Variants in HMGCLL1 observed in about 807,000 individuals in gnomAD.
HMGCLL1 encodes the protein 3-hydroxymethyl-3-methylglutaryl-CoA lyase, cytoplasmic.
In HMGCLL1, 36 loss-of-function variants were observed where a neutral mutation model predicts 39.1. The observed-to-expected ratio is 0.92, with a 90% CI of 0.71 to 1.22. HMGCLL1 has a LOEUF of 1.22. HMGCLL1 is among the 50% of genes most tolerant of loss of function. The pLI is 0.00. For synonymous variants in HMGCLL1, 149 were observed against 144.0 expected (o/e 1.03, Z -0.25); for missense variants, 451 against 416.5 (o/e 1.08, Z -0.72).
the HMGCLL1 span, among the ~76,000 whole-genome samples, chr6:55,604,480 A>G: frequency 6.6e-6 from 1 of 152,120 alleles, no homozygotes; most frequent in Non-Finnish European, 1.5e-5. Flanking sequence ...TAACTTTAAA[A>G]ATACATTTTA....
chr6:55,561,902 T>C (rs1375498341), intron 1 of HMGCLL1, among the ~76,000 whole-genome samples: 1 of 152,170 alleles, frequency 6.6e-6, no homozygotes, highest in Admixed American at 6.6e-5. Flanking sequence ...CTTCTCAGCA[T>C]ACGATAAACT....
the HMGCLL1 span, among the ~76,000 whole-genome samples, chr6:55,596,593 A>G: frequency 1.2e-4 from 18 of 152,358 alleles, no homozygotes; most frequent in African/African-American, 3.8e-4. Context: ...GACTCAGTTG[A>G]GCTACGCCTA....
intron 1 of HMGCLL1, among the ~76,000 whole-genome samples, chr6:55,577,335 G>C (rs1771809803): frequency 7.9e-6 from 1 of 125,956 alleles, no homozygotes; most frequent in Non-Finnish European, 1.8e-5. Context: ...AGGGAGCAAA[G>C]GGCTGGACTA....
At chr6:55,476,742 T>C (rs527273680) in intron 7 of HMGCLL1, among the ~76,000 whole-genome samples, 1 of 151,774 alleles carries the variant, frequency 6.6e-6, no homozygotes, top group Non-Finnish European at 1.5e-5. Flanking sequence ...AGTCTTTTAA[T>C]ATGTCACTAA....
the HMGCLL1 span, among the ~76,000 whole-genome samples, chr6:55,659,944 T>C: frequency 6.6e-6 from 1 of 151,820 alleles, no homozygotes; most frequent in Non-Finnish European, 1.5e-5. Flanking sequence ...TACAGAAGTT[T>C]GGGATTCATT....
At chr6:55,543,147 A>C (rs1327955607) in intron 1 of HMGCLL1, among the ~76,000 whole-genome samples, 68 of 5,744 alleles carry the variant, frequency 0.012, no homozygotes, top group Middle Eastern at 0.083. Context: ...TATATTATAT[A>C]TTATATATAT....
the HMGCLL1 span, among the ~76,000 whole-genome samples, chr6:55,590,803 T>C: frequency 6.6e-6 from 1 of 151,984 alleles, no homozygotes; most frequent in African/African-American, 2.4e-5. Flanking sequence ...GAAATTCAGC[T>C]TTAGATGTCT....
intron 1 of HMGCLL1, among the ~76,000 whole-genome samples, chr6:55,551,948 T>C (rs776897166): frequency 1.4e-4 from 21 of 152,034 alleles, no homozygotes; most frequent in Non-Finnish European, 2.8e-4. Context: ...CTATTGTCTG[T>C]CATAATATAT....
chr6:55,616,276 C>A, the HMGCLL1 span, among the ~76,000 whole-genome samples: 1 of 152,074 alleles, frequency 6.6e-6, no homozygotes, highest in Non-Finnish European at 1.5e-5. Flanking sequence ...CCTACTGGGA[C>A]TTGATCTCTT....
chr6:55,554,048 C>G (rs1436809593), intron 1 of HMGCLL1, among the ~76,000 whole-genome samples: 2 of 152,076 alleles, frequency 1.3e-5, no homozygotes, highest in South Asian at 4.1e-4. Context: ...TGAGAGGCAA[C>G]AGAGGGGCAC....
At chr6:55,622,916 T>A in the HMGCLL1 span, among the ~76,000 whole-genome samples, 1 of 152,072 alleles carries the variant, frequency 6.6e-6, no homozygotes, top group Non-Finnish European at 1.5e-5. Context: ...GGGAGACTTT[T>A]TATTATGGCT....
the HMGCLL1 span, among the ~76,000 whole-genome samples, chr6:55,643,630 C>A: frequency 2.0e-5 from 3 of 152,070 alleles, no homozygotes; most frequent in Middle Eastern, 3.4e-3. Context: ...CCATTCCCAA[C>A]CTGTGGTGAC....
At chr6:55,647,753 TTTTTTA>T in the HMGCLL1 span, among the ~76,000 whole-genome samples, 17 of 125,054 alleles carry the variant, frequency 1.4e-4, no homozygotes, top group Non-Finnish European at 2.4e-4. Flanking sequence ...TCCTTTTTTT[TTTTTTA>T]TTTTATTTTA....
chr6:55,435,349 T>C lies in HMGCLL1; in HGVS notation c.*313A>G. 9.3e-6 allele frequency: 2 copies of C among 215,426 alleles called. No homozygotes were observed. Among genetic ancestry groups the C allele is most frequent in the Non-Finnish European group, 1.9e-5 (2 of 105,938 alleles). The allele number at this position is 215,426 out of a possible 1,614,324, so 13.3% of individuals were successfully genotyped here. On this transcript the variant is annotated 3_prime_UTR_variant, in exon 9 of 9. Transcript: ENST00000274901. ...TAAGTATTAACACAGTATTTGATACTTGGGGAAATACGAAGTCAATTTTCC... is the reference window on the plus strand; with the variant it reads ...TAAGTATTAACACAGTATTTGATACCTGGGGAAATACGAAGTCAATTTTCC...
chr6:55,607,454 C>A, the HMGCLL1 span, among the ~76,000 whole-genome samples: 2 of 152,118 alleles, frequency 1.3e-5, no homozygotes, highest in Non-Finnish European at 2.9e-5. Flanking sequence ...GCTGCACTAG[C>A]TTCTGGGGAT....
the HMGCLL1 span, among the ~76,000 whole-genome samples, chr6:55,660,315 C>T: frequency 6.6e-5 from 10 of 151,762 alleles, no homozygotes; most frequent in African/African-American, 1.4e-4. Context: ...TTTTGTCACC[C>T]GGGTACTAAG....
the HMGCLL1 span, among the ~76,000 whole-genome samples, chr6:55,608,083 T>TTA: frequency 1.3e-5 from 2 of 152,208 alleles, no homozygotes; most frequent in African/African-American, 4.8e-5. Context: ...TTAATTTGCC[T>TTA]CTTATATTAG....
chr6:55,541,765 T>C lies in HMGCLL1; in HGVS notation c.261A>G (p.Glu87=). Residue 87 remains glutamate (E), a synonymous_variant, in exon 3 of 9, where the codon GAA becomes GAG. Coordinates refer to ENST00000274901, the MANE Select transcript of HMGCLL1 (RefSeq NM_001042406.2). ...ATCTGGAAGACACAAAGCTAGTCAC[T>C]TCTATTACAGACAAGCCAGTTTGGG... is the stretch of plus-strand genomic sequence containing the variant. The part of the protein sequence containing the change: ...RLSQTGLSVI[E]VTSFVSSRWV... 6.2e-7 allele frequency: 1 copy of C among 1,608,694 alleles called. No individual in the cohort carries two copies. The highest frequency in any genetic ancestry group is 8.5e-7 in the Non-Finnish European group (1 of 1,176,660).
At chr6:55,631,078 G>A in the HMGCLL1 span, among the ~76,000 whole-genome samples, 42 of 151,664 alleles carry the variant, frequency 2.8e-4, no homozygotes, top group Non-Finnish European at 4.6e-4. Flanking sequence ...TAATCTTCTC[G>A]TACTTGAATC....
Sources: gnomAD v4.1 joint callset for allele counts (sites outside exome capture counted in the v4.1 genomes callset) on GRCh38, gnomAD v4.1.1 for gene constraint, MANE v1.5 for transcripts, NCBI Gene and HGNC (gene_info 2026-07-23, HGNC 2026-07-21) for gene names.